Variants in BLM observed in about 807,000 individuals in gnomAD.
The protein encoded by BLM is recQ-like DNA helicase BLM.
Under a neutral mutation model 135.3 loss-of-function variants are expected in BLM, and 95 were observed. The observed-to-expected ratio is 0.70, with a 90% CI of 0.59 to 0.83. The LOEUF (loss-of-function observed/expected upper bound fraction) is 0.83, where lower values mean the gene tolerates loss of function less well. Ranked by LOEUF, BLM falls within the 40% of genes least tolerant of loss-of-function variation. BLM has a pLI of 0.00. For missense variants in BLM, 1,518 were observed against 1,663.9 expected, an observed-to-expected ratio of 0.91 and a Z score of 1.53; for synonymous variants, 520 against 589.2, an observed-to-expected ratio of 0.88 and a Z score of 1.70.
At position 90,751,750 on chromosome 15, in the gene BLM, G is replaced by T. The variant is rs776301310; in HGVS notation, c.800-37G>T. On this transcript the variant is annotated intron_variant, in intron 3 of 21. Transcript: ENST00000355112. ...CCCTGTTCTTTCTGTCTCATTAGTGGTTAACAAATCTATGTTTATCAACTG... is the reference window on the plus strand; with the variant it reads ...CCCTGTTCTTTCTGTCTCATTAGTGTTTAACAAATCTATGTTTATCAACTG... 5.7e-6 allele frequency: 9 copies of T among 1,578,148 alleles called. No individual in the cohort carries two copies. The Admixed American group carries it at 1.0e-4, about 18-fold the overall frequency.
intron 1 of BLM, among the ~76,000 whole-genome samples, chr15:90,730,829 G>A (rs367744678): frequency 5.9e-5 from 9 of 152,148 alleles, no homozygotes; most frequent in East Asian, 3.9e-4. Flanking sequence ...GTCTTGAGAC[G>A]ATATGGTTGT....
chr15:90,796,674 A>G (rs150782492), intron 16 of BLM, among the ~76,000 whole-genome samples: 1 of 152,332 alleles, frequency 6.6e-6, no homozygotes, highest in African/African-American at 2.4e-5. Context: ...TTAACAGTCC[A>G]TTCGAGCTTT....
At chr15:90,812,517 G>A (rs528020084) in intron 21 of BLM, among the ~76,000 whole-genome samples, 1 of 152,290 alleles carries the variant, frequency 6.6e-6, no homozygotes, top group Non-Finnish European at 1.5e-5. Context: ...TTCTGCCAGG[G>A]CACCCTCTGC....
chr15:90,810,862 T>G (rs777856020), intron 20 of BLM, among the ~76,000 whole-genome samples: 15 of 152,180 alleles, frequency 9.9e-5, no homozygotes, highest in Non-Finnish European at 1.8e-4. Flanking sequence ...AGTTGATACT[T>G]TTTGAATTGC....
In BLM at chr15:90,739,882, G is replaced by A. The variant is rs1419348411; in HGVS notation, c.-4-7507G>A. On this transcript the variant is annotated intron_variant, in intron 1 of 21. Coordinates refer to ENST00000355112, the MANE Select transcript of BLM (RefSeq NM_000057.4). ...CTGGTTGAGCAGTCCTCCCACCTCA[G>A]CTTCCCAAGTAGCTGGGACAACAGG... Among the ~76,000 whole-genome samples the A allele has an allele frequency of 2.0e-5, 3 of 152,078 alleles. 1 individual carries two copies. The East Asian group carries it at 5.8e-4, about 29-fold the overall frequency.
intron 1 of BLM, among the ~76,000 whole-genome samples, chr15:90,736,694 C>G (rs996295254): frequency 7.2e-5 from 11 of 152,162 alleles, no homozygotes; most frequent in Admixed American, 6.6e-4. Flanking sequence ...CAATGGAGTA[C>G]TGTACAGCTG....
chr15:90,788,471 G>GTTTTGTTTTT (rs1896809359), intron 14 of BLM, among the ~76,000 whole-genome samples: 1 of 95,006 alleles, frequency 1.1e-5, no homozygotes, highest in African/African-American at 4.0e-5. Flanking sequence ...CCAGTGTTTT[G>GTTTTGTTTTT]TTTTTTTTTT....
intron 21 of BLM, among the ~76,000 whole-genome samples, chr15:90,812,403 C>T (rs1897444969): frequency 6.6e-6 from 1 of 151,806 alleles, no homozygotes; most frequent in Admixed American, 6.6e-5. Context: ...GCTTTCTGCA[C>T]ACCAGGGGAA....
chr15:90,751,369 G>C (rs1895677350), intron 3 of BLM, among the ~76,000 whole-genome samples: 1 of 152,208 alleles, frequency 6.6e-6, no homozygotes, highest in African/African-American at 2.4e-5. Context: ...TAGTCCAAAA[G>C]AGAGACTTAA....
chr15:90,794,013 T>TAAC, intron 15 of BLM, 154 bp from the exon 16 acceptor site: 1 of 501,826 alleles, frequency 2.0e-6, no homozygotes, highest in Non-Finnish European at 3.5e-6. Context: ...TAATACTCAG[T>TAAC]TAATTATAAT....
chr15:90,759,296 T>C (rs968809147), intron 5 of BLM, among the ~76,000 whole-genome samples: 2 of 151,894 alleles, frequency 1.3e-5, no homozygotes, highest in East Asian at 3.9e-4. Context: ...GCACAGTGGC[T>C]CACACCTGTA....
At chr15:90,781,884 C>G (rs920949677) in intron 12 of BLM, among the ~76,000 whole-genome samples, 1 of 152,184 alleles carries the variant, frequency 6.6e-6, no homozygotes, top group African/African-American at 2.4e-5. Context: ...CTAACCATCT[C>G]TGCTTTTAGT....
intron 5 of BLM, among the ~76,000 whole-genome samples, chr15:90,755,661 TTTTCTC>T (rs1366379672): frequency 6.6e-6 from 1 of 152,128 alleles, no homozygotes; most frequent in Non-Finnish European, 1.5e-5. Context: ...TTTACCTTCT[TTTTCTC>T]TTTTTCACTC....
At chr15:90,750,155 G>C (rs1895644331) in intron 3 of BLM, 88 bp downstream of exon 3, 2 of 1,409,080 alleles carry the variant, frequency 1.4e-6, no homozygotes, top group Non-Finnish European at 2.0e-6. Flanking sequence ...AATATATAGA[G>C]CTTTTGTCCT....
At chr15:90,778,206 T>C (rs1896528381) in intron 12 of BLM, among the ~76,000 whole-genome samples, 1 of 152,300 alleles carries the variant, frequency 6.6e-6, no homozygotes, top group African/African-American at 2.4e-5. Context: ...ATTGGATTCA[T>C]GATCTACAAC....
chr15:90,772,754 G>A (rs1031216802), intron 12 of BLM, among the ~76,000 whole-genome samples: 1 of 152,180 alleles, frequency 6.6e-6, no homozygotes, highest in African/African-American at 2.4e-5. Flanking sequence ...ACAAGGAGGG[G>A]TCAGATCAAG....
intron 16 of BLM, among the ~76,000 whole-genome samples, chr15:90,796,755 T>A (rs918567840): frequency 6.6e-6 from 1 of 152,134 alleles, no homozygotes; most frequent in African/African-American, 2.4e-5. Context: ...AGATGGAGAA[T>A]TGGATCCATT....
chr15:90,800,169 G>T (rs392039), intron 17 of BLM, among the ~76,000 whole-genome samples: 47 of 152,120 alleles, frequency 3.1e-4, no homozygotes, highest in Non-Finnish European at 6.2e-4. Context: ...GCATATTCTG[G>T]ACCCCTTCAG....
intron 1 of BLM, among the ~76,000 whole-genome samples, chr15:90,718,418 A>G (rs1894666331): frequency 6.6e-6 from 1 of 152,194 alleles, no homozygotes; most frequent in Non-Finnish European, 1.5e-5. Context: ...CGTGAGATGG[A>G]GCAGGTGACT....
Sources: gnomAD v4.1 joint callset for allele counts (sites outside exome capture counted in the v4.1 genomes callset) on GRCh38, gnomAD v4.1.1 for gene constraint, MANE v1.5 for transcripts, NCBI Gene and HGNC (gene_info 2026-07-23, HGNC 2026-07-21) for gene names.